The following KLF13 variants were observed in gnomAD, a reference collection of about 807,000 sequenced individuals.
The protein encoded by KLF13 is KLF transcription factor 13, also known as Krueppel-like factor 13.
In KLF13, 8 loss-of-function variants were observed where a neutral mutation model predicts 16.7. The ratio of observed to expected loss-of-function variants is 0.48; its 90% CI spans 0.28 to 0.87. The LOEUF (loss-of-function observed/expected upper bound fraction) is 0.87, where lower values mean the gene tolerates loss of function less well. KLF13 is among the 40% of genes least tolerant of loss of function. KLF13 has a pLI of 0.10. For synonymous variants in KLF13, 245 were observed against 208.4 expected (o/e 1.18, Z -1.51); for missense variants, 447 against 452.2 (o/e 0.99, Z 0.10).
intron 1 of KLF13, among the ~76,000 whole-genome samples, chr15:31,433,245 C>T (rs1037013763): frequency 6.6e-6 from 1 of 152,144 alleles, no homozygotes; most frequent in African/African-American, 2.4e-5. Context: ...AGGAGTTATG[C>T]GTTCTGGCTG....
At chr15:31,338,577 C>T (rs139302555) in intron 1 of KLF13, among the ~76,000 whole-genome samples, 55 of 152,270 alleles carry the variant, frequency 3.6e-4, no homozygotes, top group African/African-American at 1.3e-3. Flanking sequence ...GCGTGCCCAG[C>T]CGTGGCTGTG....
chr15:31,327,615 C>A lies in KLF13; in HGVS notation c.403C>A (p.Arg135=). The change falls in exon 1 of 2, where the codon CGG becomes AGG. Residue 135 remains arginine (R), a synonymous_variant. Coordinates refer to ENST00000307145, the MANE Select transcript of KLF13 (RefSeq NM_015995.4). The stretch of plus-strand genomic sequence containing the variant: ...GCCCGAGGCGGGGCTGGAGCCCGAG[C>A]GGGAGCCGGGGCCCGCGGGGAGCGG... The part of the protein sequence containing the change: ...PEPEAGLEPE[R]EPGPAGSGEP... 1.5e-6 allele frequency: 2 copies of A among 1,326,806 alleles called. No homozygotes were observed. The highest frequency in any genetic ancestry group is 2.0e-6 in the Non-Finnish European group (2 of 1,023,264). The allele number at this position is 1,326,806 out of a possible 1,614,324, so 82.2% of individuals were successfully genotyped here. A position where few individuals can be genotyped will look rare whatever the true frequency, so the allele number is the denominator to read the frequency against.
At chr15:31,410,975 GA>G (rs1253130589) in intron 1 of KLF13, among the ~76,000 whole-genome samples, 5 of 151,990 alleles carry the variant, frequency 3.3e-5, no homozygotes, top group Non-Finnish European at 4.4e-5. Context: ...ACTCACTGAA[GA>G]AAAAAACCAG....
At chr15:31,420,061 C>T in intron 1 of KLF13, 1 of 337,968 alleles carries the variant, frequency 3.0e-6, no homozygotes, top group African/African-American at 2.1e-5. Flanking sequence ...AGAAAAAAAC[C>T]TTTTGTCAAC....
intron 1 of KLF13, among the ~76,000 whole-genome samples, chr15:31,414,026 CATT>C (rs1165460247): frequency 3.3e-5 from 5 of 152,102 alleles, no homozygotes; most frequent in African/African-American, 1.2e-4. Flanking sequence ...AACAATGTAT[CATT>C]GAGTTTGTAA....
chr15:31,381,081 AG>A (rs1164796015), downstream of KLF13, among the ~76,000 whole-genome samples: 2 of 150,578 alleles, frequency 1.3e-5, no homozygotes, highest in Non-Finnish European at 3.0e-5. Context: ...CTGAGGCAGG[AG>A]AACGGCTTGA....
chr15:31,329,571 C>T (rs2038789857), intron 1 of KLF13, among the ~76,000 whole-genome samples: 1 of 152,152 alleles, frequency 6.6e-6, no homozygotes, highest in African/African-American at 2.4e-5. Context: ...GTGGGTTCAT[C>T]TCCCGCTTCA....
At chr15:31,344,745 C>T (rs1192339101) in intron 1 of KLF13, among the ~76,000 whole-genome samples, 1 of 149,322 alleles carries the variant, frequency 6.7e-6, no homozygotes, top group East Asian at 2.0e-4. Flanking sequence ...TTTCTTTTAA[C>T]AAAATCTCCT....
chr15:31,385,180 C>T (rs1181438430), intron 1 of KLF13, among the ~76,000 whole-genome samples: 1 of 152,180 alleles, frequency 6.6e-6, no homozygotes, highest in Non-Finnish European at 1.5e-5. Context: ...GACTTCCCTG[C>T]CTCTAGAACT....
chr15:31,429,341 C>A (rs568536326), intron 1 of KLF13, among the ~76,000 whole-genome samples: 30 of 152,222 alleles, frequency 2.0e-4, no homozygotes, highest in African/African-American at 7.2e-4. Flanking sequence ...TACAAAAGGG[C>A]AAATAATGCC....
At chr15:31,392,209 A>G (rs2039881653), upstream of KLF13, among the ~76,000 whole-genome samples, 1 of 152,206 alleles carries the variant, frequency 6.6e-6, no homozygotes, top group Non-Finnish European at 1.5e-5. Flanking sequence ...AGCTCAGATG[A>G]CACAAGGATG....
At chr15:31,341,988 C>A (rs1366466366) in intron 1 of KLF13, among the ~76,000 whole-genome samples, 3 of 152,162 alleles carry the variant, frequency 2.0e-5, no homozygotes, top group Admixed American at 6.5e-5. Context: ...GGAGTGGTGA[C>A]CCTGTCTCAG....
rs951130821 is a variant in KLF13, at chr15:31,376,894, A to G, written c.*4595A>G. On this transcript the variant is annotated 3_prime_UTR_variant, in exon 2 of 2. Transcript: ENST00000307145. ...TCTCATACAGCTTTAAAACTTTACT[A>G]CTTTTATTTAAAAATGAACTGGATG... 2 of 148,970 alleles carry G rather than the reference A, an allele frequency of 1.3e-5. No homozygotes were observed. The highest frequency in any genetic ancestry group is 1.4e-4 in the Admixed American group (2 of 14,472). 9.2% of individuals were successfully genotyped at this position (148,970 alleles called of 1,614,324 possible). A position where few individuals can be genotyped will look rare whatever the true frequency, so the allele number is the denominator to read the frequency against.
chr15:31,429,435 G>T (rs896213178), intron 1 of KLF13, among the ~76,000 whole-genome samples: 2 of 152,152 alleles, frequency 1.3e-5, no homozygotes, highest in African/African-American at 4.8e-5. Flanking sequence ...GCTGGAAGAG[G>T]GGGGAATAGT....
At chr15:31,433,573 T>C (rs1427387113) in intron 1 of KLF13, among the ~76,000 whole-genome samples, 1 of 152,114 alleles carries the variant, frequency 6.6e-6, no homozygotes, top group African/African-American at 2.4e-5. Flanking sequence ...CCAGGACTGT[T>C]GAAGAACTCA....
chr15:31,374,711 C>T lies in KLF13; in HGVS notation c.*2412C>T, dbSNP rs920546202. On this transcript the variant is annotated 3_prime_UTR_variant, in exon 2 of 2. Transcript: ENST00000307145. ...GGCAAAGTGCTCTCCAGGGAGGGGT[C>T]AGACGTCCTTGTGATCTGCCCAGGG... 6.6e-6 allele frequency: 1 copy of T among 152,348 alleles called. No individual in the cohort carries two copies. Among genetic ancestry groups the T allele is most frequent in the Admixed American group, 6.5e-5 (1 of 15,274 alleles). 9.4% of individuals were successfully genotyped at this position (152,348 alleles called of 1,614,324 possible).
intron 2 of KLF13, among the ~76,000 whole-genome samples, chr15:31,394,911 C>G (rs937676767): frequency 2.6e-5 from 4 of 152,150 alleles, no homozygotes; most frequent in African/African-American, 9.7e-5. Context: ...GTGTCTGTCT[C>G]ATTTCACTTA....
rs545209268 is a variant in KLF13, at chr15:31,370,544, G to A, written c.578-1466G>A. Among the ~76,000 whole-genome samples the A allele has an allele frequency of 6.6e-5, 10 of 151,826 alleles. No homozygotes were observed. The South Asian group carries it at 1.9e-3, about 28-fold the overall frequency. On this transcript the variant is annotated intron_variant, in intron 1 of 1. Coordinates refer to ENST00000307145, the MANE Select transcript of KLF13 (RefSeq NM_015995.4). ...AGTGATTCTCCTGCTTCAGCCTGCC[G>A]AGTAGCTGGGATTGCAGGTGCACAC...
At chr15:31,356,703 G>A (rs1455052804) in intron 1 of KLF13, among the ~76,000 whole-genome samples, 2 of 152,224 alleles carry the variant, frequency 1.3e-5, no homozygotes, top group Non-Finnish European at 2.9e-5. Context: ...TTGAATCATA[G>A]GTGGGAATGG....
Sources: gnomAD v4.1 joint callset for allele counts (sites outside exome capture counted in the v4.1 genomes callset) on GRCh38, gnomAD v4.1.1 for gene constraint, MANE v1.5 for transcripts, NCBI Gene and HGNC (gene_info 2026-07-23, HGNC 2026-07-21) for gene names.